MARCHF4: variants seen among roughly 807,000 people sequenced by gnomAD.
The protein encoded by MARCHF4 is E3 ubiquitin-protein ligase MARCHF4.
In MARCHF4, 14 loss-of-function variants were observed where a neutral mutation model predicts 43.9. The observed-to-expected ratio is 0.32, with a 90% confidence interval of 0.21 to 0.50. The LOEUF is 0.50. Among genes scored for constraint, MARCHF4 ranks in the 20% least tolerant of loss-of-function variants. MARCHF4 has a pLI of 0.98. For missense variants in MARCHF4, 468 were observed against 536.7 expected (o/e 0.87, Z 1.27); for synonymous variants, 226 against 213.3 (o/e 1.06, Z -0.52).
At chr2:216,344,264 C>CAAAA (rs1308072274) in intron 1 of MARCHF4, among the ~76,000 whole-genome samples, 5 of 151,382 alleles carry the variant, frequency 3.3e-5, no homozygotes, top group East Asian at 1.9e-4. Flanking sequence ...AACAAACAAA[C>CAAAA]AAAAAAACAT....
At chr2:216,355,671 C>T (rs530329617) in intron 1 of MARCHF4, among the ~76,000 whole-genome samples, 3 of 152,274 alleles carry the variant, frequency 2.0e-5, no homozygotes, top group East Asian at 1.9e-4. Flanking sequence ...CAGGCAAATG[C>T]GTAATGGATG....
At chr2:216,367,359 C>T (rs1471589972) in intron 1 of MARCHF4, among the ~76,000 whole-genome samples, 2 of 151,896 alleles carry the variant, frequency 1.3e-5, no homozygotes, top group Non-Finnish European at 2.9e-5. Flanking sequence ...TTTCTCCCTC[C>T]CCTTCACTGC....
At chr2:216,348,486 C>T (rs1376145739) in intron 1 of MARCHF4, among the ~76,000 whole-genome samples, 1 of 152,154 alleles carries the variant, frequency 6.6e-6, no homozygotes, top group Non-Finnish European at 1.5e-5. Flanking sequence ...CTCTGGTTGT[C>T]CTCACTGCTA....
intron 1 of MARCHF4, among the ~76,000 whole-genome samples, chr2:216,300,913 G>A (rs1691483643): frequency 1.3e-5 from 2 of 152,126 alleles, no homozygotes; most frequent in East Asian, 1.9e-4. Flanking sequence ...ATAGAAAGGA[G>A]TTAACACATT....
chr2:216,345,262 C>T (rs1164134465), intron 1 of MARCHF4, among the ~76,000 whole-genome samples: 1 of 151,988 alleles, frequency 6.6e-6, no homozygotes, highest in Non-Finnish European at 1.5e-5. Flanking sequence ...TTCTTCTCCC[C>T]AAGGTTACAC....
At chr2:216,296,787 A>T (rs1335487508) in intron 1 of MARCHF4, among the ~76,000 whole-genome samples, 1 of 152,146 alleles carries the variant, frequency 6.6e-6, no homozygotes. Context: ...CTTCATCATT[A>T]TACTCAATTT....
At chr2:216,327,217 A>G (rs1042887806) in intron 1 of MARCHF4, among the ~76,000 whole-genome samples, 3 of 151,778 alleles carry the variant, frequency 2.0e-5, no homozygotes, top group African/African-American at 7.2e-5. Context: ...ACAGTTCAAT[A>G]CATTTTGACA....
chr2:216,270,046 C>T (rs1690908101), intron 3 of MARCHF4, among the ~76,000 whole-genome samples: 1 of 152,064 alleles, frequency 6.6e-6, no homozygotes, highest in Non-Finnish European at 1.5e-5. Flanking sequence ...GCCTCATTAT[C>T]CAATTGCCTA....
chr2:216,332,497 C>T (rs939732871), intron 1 of MARCHF4, among the ~76,000 whole-genome samples: 1 of 151,672 alleles, frequency 6.6e-6, no homozygotes, highest in Admixed American at 6.6e-5. Context: ...ATAAAAATCA[C>T]TGCTCTGTAT....
At chr2:216,300,141 C>T (rs1272961112) in intron 1 of MARCHF4, among the ~76,000 whole-genome samples, 2 of 152,012 alleles carry the variant, frequency 1.3e-5, no homozygotes, top group African/African-American at 4.8e-5. Flanking sequence ...TGGGCAATTC[C>T]CTTAGCCTCT....
intron 1 of MARCHF4, among the ~76,000 whole-genome samples, chr2:216,294,131 G>A (rs1452010232): frequency 1.3e-5 from 2 of 152,196 alleles, no homozygotes; most frequent in African/African-American, 2.4e-5. Context: ...CAAGGTCCAG[G>A]CCACTACCCT....
chr2:216,277,834 T>C lies in MARCHF4; in HGVS notation c.703A>G (p.Lys235Glu). Residue 235 changes from lysine to glutamate, a missense_variant, in exon 3 of 4, where the codon AAG (lysine) becomes GAG (glutamate). This residue lies in a region of MARCHF4 where 158 missense variants were observed against 251.1 expected (regional missense o/e 0.63). Coordinates refer to ENST00000273067, the MANE Select transcript of MARCHF4 (RefSeq NM_020814.3). ...WQAISLTVIE[K>E]VQVAAAILGS... is the part of the protein sequence containing the mutation. ...AGGATGGCGGCTGCAACCTGAACCT[T>C]CTCAATGACCGTCAGAGAGATGGCC... is the stretch of plus-strand genomic sequence containing the variant. 1 of 1,613,600 alleles carries C rather than the reference T, an allele frequency of 6.2e-7. No homozygotes were observed. Among genetic ancestry groups the C allele is most frequent in the Non-Finnish European group, 8.5e-7 (1 of 1,179,606 alleles).
At chr2:216,286,905 A>C (rs1319930638) in intron 1 of MARCHF4, among the ~76,000 whole-genome samples, 1 of 152,226 alleles carries the variant, frequency 6.6e-6, no homozygotes, top group Non-Finnish European at 1.5e-5. Context: ...AGCTACATGG[A>C]CACTGAGATG....
intron 1 of MARCHF4, among the ~76,000 whole-genome samples, chr2:216,294,800 T>C (rs955269168): frequency 2.0e-4 from 30 of 152,230 alleles, no homozygotes; most frequent in African/African-American, 7.0e-4. Flanking sequence ...ACATTAAGAC[T>C]CTTATGTATA....
At chr2:216,346,943 G>A (rs966153852) in intron 1 of MARCHF4, among the ~76,000 whole-genome samples, 2 of 152,108 alleles carry the variant, frequency 1.3e-5, no homozygotes, top group Non-Finnish European at 2.9e-5. Context: ...TGCTGCTCTC[G>A]TGGTAGTGAG....
At chr2:216,346,064 G>A (rs1692315214) in intron 1 of MARCHF4, among the ~76,000 whole-genome samples, 2 of 152,146 alleles carry the variant, frequency 1.3e-5, no homozygotes, top group South Asian at 4.1e-4. Flanking sequence ...TGTCTCTCGG[G>A]CTTAACAGTC....
At position 216,370,119 on chromosome 2, in the gene MARCHF4, C is replaced by T. The variant is rs1487256002; in HGVS notation, c.142G>A (p.Asp48Asn). ...LKCRCRMLFN[D>N]LKVFLLRRPP... ...CGCCGCAGTAAGAAAACCTTCAGGT[C>T]ATTGAAGAGCATGCGGCAGCGGCAC... Residue 48 changes from aspartate to asparagine, a missense_variant, in exon 1 of 4, where the codon GAC (aspartate) becomes AAC (asparagine). Transcript: ENST00000273067. 6 of 1,602,640 alleles carry T rather than the reference C, an allele frequency of 3.7e-6. No individual in the cohort carries two copies. The South Asian group carries it at 6.7e-5, about 18-fold the overall frequency.
chr2:216,354,708 T>C (rs1468531595), intron 1 of MARCHF4, among the ~76,000 whole-genome samples: 1 of 152,184 alleles, frequency 6.6e-6, no homozygotes, highest in African/African-American at 2.4e-5. Context: ...CCTTGGGGGA[T>C]GGAGGATCCC....
intron 1 of MARCHF4, among the ~76,000 whole-genome samples, chr2:216,307,538 G>T (rs529939859): frequency 4.0e-5 from 6 of 150,776 alleles, no homozygotes; most frequent in African/African-American, 1.5e-4. Flanking sequence ...TCAAATCAAC[G>T]TTTTTTTTTG....
Sources: allele counts gnomAD v4.1 joint callset (sites outside exome capture counted in the v4.1 genomes callset), GRCh38; gene constraint gnomAD v4.1.1; regional missense constraint gnomAD v4.1.1; transcripts MANE v1.5; gene names NCBI Gene and HGNC (gene_info 2026-07-23, HGNC 2026-07-21).